NCAM2: variants seen among roughly 807,000 people sequenced by gnomAD.
The protein encoded by NCAM2 is neural cell adhesion molecule 2.
NCAM2 carries 30 observed loss-of-function variants against 98.1 expected under a neutral mutation model. The observed-to-expected ratio is 0.31, with a 90% confidence interval of 0.23 to 0.41. NCAM2 has a LOEUF of 0.41. NCAM2 is among the 10% of genes least tolerant of loss of function. NCAM2 has a pLI of 1.00. For missense variants in NCAM2, 867 were observed against 1,005.8 expected (o/e 0.86, Z 1.87); for synonymous variants, 368 against 342.4 (o/e 1.07, Z -0.83).
intron 14 of NCAM2, among the ~76,000 whole-genome samples, chr21:21,474,431 T>C (rs528129688): frequency 6.6e-6 from 1 of 152,208 alleles, no homozygotes; most frequent in African/African-American, 2.4e-5. Context: ...CTTAAATGTC[T>C]AATTTCCAAA....
chr21:21,150,199 A>AT (rs2146702550), intron 1 of NCAM2, among the ~76,000 whole-genome samples: 1 of 152,326 alleles, frequency 6.6e-6, no homozygotes, highest in Admixed American at 6.5e-5. Context: ...AATACAATTA[A>AT]TTATTGCATG....
rs7281860 is a variant in NCAM2 at position 21,026,858 on chromosome 21, T to C, written c.55+28240T>C. Among the ~76,000 whole-genome samples, 1,182 of 130,890 alleles carry C rather than the reference T, an allele frequency of 9.0e-3. 7 individuals are homozygous for C. Among genetic ancestry groups the C allele is most frequent in the African/African-American group, 0.028 (1,033 of 37,480 alleles). The allele number at this position is 130,890 out of a possible 152,430, so 85.9% of individuals were successfully genotyped here. ...AATGTTTTCTTTTCTTCTTCTTCTT[T>C]TTTTTTTTTTTTTTTTGAGACAGCA... On this transcript the variant is annotated intron_variant, in intron 1 of 17. Coordinates refer to ENST00000400546, the MANE Select transcript of NCAM2 (RefSeq NM_004540.5).
intron 6 of NCAM2, among the ~76,000 whole-genome samples, chr21:21,331,929 G>T (rs1371504913): frequency 6.7e-6 from 1 of 149,986 alleles, no homozygotes; most frequent in Admixed American, 6.7e-5. Context: ...TTGAGACAAA[G>T]TCTAGCCCTG....
intron 1 of NCAM2, among the ~76,000 whole-genome samples, chr21:21,215,459 C>T (rs938138208): frequency 6.6e-6 from 1 of 152,088 alleles, no homozygotes; most frequent in Non-Finnish European, 1.5e-5. Context: ...TATATGTGTG[C>T]CTGTAATCCC....
At chr21:21,186,229 T>C (rs2068636968) in intron 1 of NCAM2, among the ~76,000 whole-genome samples, 1 of 152,192 alleles carries the variant, frequency 6.6e-6, no homozygotes, top group African/African-American at 2.4e-5. Context: ...TAGTTTTTTG[T>C]GTAATAGCTC....
intron 4 of NCAM2, 21 bp downstream of exon 4, chr21:21,286,433 C>A: frequency 6.2e-7 from 1 of 1,608,288 alleles, no homozygotes; most frequent in Non-Finnish European, 8.5e-7. Context: ...TGGTAACTCC[C>A]TAAGTTATAT....
rs143579715 is a variant in NCAM2 at position 21,477,351 on chromosome 21, T to C, written c.1957T>C (p.Leu653=). The C allele has an allele frequency of 1.3e-3, 2,110 of 1,610,482 alleles. 26 individuals are homozygous for C. In the African/African-American group the frequency reaches 0.025, roughly 19 times the overall value. ...KVQGNKDHII[L]EHLQWTMGYE... Reference sequence around the variant, plus strand: ...GCAAGGAAATAAAGACCACATCATTTTGGAGCATCTCCAGTGGACCATGGG... The same window carrying C: ...GCAAGGAAATAAAGACCACATCATTCTGGAGCATCTCCAGTGGACCATGGG... The change falls in exon 15 of 18, where the codon TTG becomes CTG. Residue 653 remains leucine, a synonymous_variant. Coordinates refer to ENST00000400546, the MANE Select transcript of NCAM2 (RefSeq NM_004540.5).
intron 1 of NCAM2, among the ~76,000 whole-genome samples, chr21:21,023,797 T>C (rs1051687517): frequency 6.6e-6 from 1 of 152,164 alleles, no homozygotes; most frequent in Non-Finnish European, 1.5e-5. Context: ...GCATTATTGT[T>C]TAGCATTTAT....
chr21:21,331,517 C>CTCTCTCTCTCTCTCTATATATATATA (rs1483062198), intron 6 of NCAM2, among the ~76,000 whole-genome samples: 1 of 6,938 alleles, frequency 1.4e-4, no homozygotes, highest in East Asian at 2.3e-3. Flanking sequence ...CTCTCTCTCT[C>CTCTCTCTCTCTCTCTATATATATATA]TATATATATA....
At chr21:21,166,986 A>G (rs1050112849) in intron 1 of NCAM2, among the ~76,000 whole-genome samples, 5 of 152,186 alleles carry the variant, frequency 3.3e-5, no homozygotes, top group Admixed American at 2.6e-4. Context: ...TTTTACCATA[A>G]CCTGCTGACT....
chr21:21,284,109 A>G (rs959757151), intron 2 of NCAM2, 85 bp from the exon 3 acceptor site: 1 of 1,014,554 alleles, frequency 9.9e-7, no homozygotes, highest in East Asian at 2.6e-5. Flanking sequence ...TAAATGGTTA[A>G]TATTATTACA....
intron 14 of NCAM2, among the ~76,000 whole-genome samples, chr21:21,470,627 T>G (rs1409322411): frequency 1.3e-5 from 2 of 152,072 alleles, no homozygotes; most frequent in African/African-American, 4.8e-5. Flanking sequence ...TCTTCCCAGT[T>G]ACCCAGTGTC....
chr21:21,170,391 A>G (rs575692466), intron 1 of NCAM2, among the ~76,000 whole-genome samples: 1 of 152,328 alleles, frequency 6.6e-6, no homozygotes, highest in East Asian at 1.9e-4. Context: ...ATTCAGCACC[A>G]AAAAGAAATG....
chr21:21,501,706 G>C (rs180694647), intron 15 of NCAM2, among the ~76,000 whole-genome samples: 3 of 151,598 alleles, frequency 2.0e-5, no homozygotes, highest in African/African-American at 7.3e-5. Flanking sequence ...GACCTAGATG[G>C]AGCCCTGCTG....
chr21:21,482,868 A>G (rs233756), intron 15 of NCAM2, among the ~76,000 whole-genome samples: 42,776 of 151,800 alleles, frequency 0.28, 7,101 homozygotes, highest in African/African-American at 0.46. Context: ...GTTCCTTTTC[A>G]GAATATTCAT....
intron 1 of NCAM2, chr21:21,210,536 T>C: frequency 1.6e-6 from 2 of 1,286,272 alleles, no homozygotes; most frequent in Non-Finnish European, 2.0e-6. Flanking sequence ...AATTTCTTCT[T>C]TCAGAGTTAT....
intron 1 of NCAM2, among the ~76,000 whole-genome samples, chr21:21,118,523 A>C (rs1428372481): frequency 6.6e-6 from 1 of 152,154 alleles, no homozygotes; most frequent in Non-Finnish European, 1.5e-5. Context: ...GCAGTAAGGA[A>C]GAATGCTCTA....
At chr21:21,307,821 CTCT>C (rs1427923459) in intron 5 of NCAM2, among the ~76,000 whole-genome samples, 3 of 152,112 alleles carry the variant, frequency 2.0e-5, no homozygotes, top group African/African-American at 2.4e-5. Flanking sequence ...TTCTGCCTTC[CTCT>C]TCTTCTTACA....
intron 12 of NCAM2, among the ~76,000 whole-genome samples, chr21:21,449,529 A>G (rs1019665184): frequency 6.6e-6 from 1 of 152,016 alleles, no homozygotes; most frequent in Non-Finnish European, 1.5e-5. Flanking sequence ...TTTGAGAGTG[A>G]ATTTTATTGA....
Sources: allele counts gnomAD v4.1 joint callset (sites outside exome capture counted in the v4.1 genomes callset), GRCh38; gene constraint gnomAD v4.1.1; transcripts MANE v1.5; gene names NCBI Gene and HGNC (gene_info 2026-07-23, HGNC 2026-07-21).